The following PIGF variants were observed in gnomAD, a reference collection of about 807,000 sequenced individuals.
PIGF encodes the protein GPI ethanolamine phosphate transferase, stabilizing subunit.
PIGF carries 23 observed loss-of-function variants against 26.0 expected under a neutral mutation model. That is an observed-to-expected ratio of 0.88 (90% CI 0.64 to 1.25). The LOEUF is 1.25. PIGF is among the 50% of genes most tolerant of loss of function. The probability of loss-of-function intolerance (pLI) is 0.00; values close to 1 mark genes in which losing one functional copy is unlikely to be tolerated. For missense variants in PIGF, 278 were observed against 249.9 expected (o/e 1.11, Z -0.76); for synonymous variants, 93 against 92.6 (o/e 1.00, Z -0.03).
At chr2:46,613,939 G>A (rs1004886536) in intron 2 of PIGF, 154 bp from the exon 3 acceptor site, 28 of 623,054 alleles carry the variant, frequency 4.5e-5, no homozygotes, top group East Asian at 1.6e-4. Context: ...GTCCTGTACC[G>A]TCACATACAC....
intron 4 of PIGF, among the ~76,000 whole-genome samples, chr2:46,594,854 T>G (rs565396575): frequency 6.6e-6 from 1 of 150,552 alleles, no homozygotes; most frequent in East Asian, 2.0e-4. Context: ...TTTTTTTTGT[T>G]TGTTTTTGTT....
chr2:46,601,902 A>C (rs1670068811), intron 4 of PIGF, among the ~76,000 whole-genome samples: 1 of 152,026 alleles, frequency 6.6e-6, no homozygotes, highest in African/African-American at 2.4e-5. Flanking sequence ...AGTTCACCAA[A>C]AGTGATCAAC....
rs761148992 is a variant in PIGF at position 46,588,139 on chromosome 2, T to C, written c.546+4336A>G. 1.9e-6 allele frequency: 3 copies of C among 1,613,098 alleles called. No homozygotes were observed. The highest frequency in any genetic ancestry group is 8.5e-7 in the Non-Finnish European group (1 of 1,179,488). On this transcript the variant is annotated intron_variant, in intron 5 of 5. Coordinates refer to ENST00000281382, the MANE Select transcript of PIGF (RefSeq NM_002643.4). This position sits in a 1 kb window ranked among gnomAD's most constrained non-coding sequence, Gnocchi z 4.1. ...AGTACCAAGCCCCCTGCAGGGTACA[T>C]GGAGAGATCTATAAGTGCTACGTTT...
At position 46,588,305 on chromosome 2, in the gene PIGF, A is replaced by T. The variant is rs147628383; in HGVS notation, c.546+4170T>A. The T allele has an allele frequency of 7.7e-5, 92 of 1,191,758 alleles. 2 individuals are homozygous for T. In the East Asian group the frequency reaches 2.0e-3, roughly 26 times the overall value. The allele number at this position is 1,191,758 out of a possible 1,614,324, so 73.8% of individuals were successfully genotyped here. Reference sequence around the variant, plus strand: ...CAACTGAAAGACTGCTGGGCAGAAAAAATAAAACAACAAACTGAGACAATT... The same window carrying T: ...CAACTGAAAGACTGCTGGGCAGAAATAATAAAACAACAAACTGAGACAATT... On this transcript the variant is annotated intron_variant, in intron 5 of 5. Transcript: ENST00000281382. The surrounding 1 kb of genome is among the most constrained non-coding windows in gnomAD (Gnocchi z 4.1).
chr2:46,607,022 C>T (rs1670244562), intron 4 of PIGF, among the ~76,000 whole-genome samples: 1 of 152,138 alleles, frequency 6.6e-6, no homozygotes, highest in Non-Finnish European at 1.5e-5. Flanking sequence ...ACATAAGACC[C>T]AATTTATAAC....
intron 4 of PIGF, among the ~76,000 whole-genome samples, chr2:46,594,727 G>A (rs1186893459): frequency 1.3e-5 from 2 of 151,796 alleles, no homozygotes; most frequent in Non-Finnish European, 2.9e-5. Flanking sequence ...GTAGAGATGG[G>A]GTTTCACCAT....
At chr2:46,608,088 C>G (rs751250243) in intron 4 of PIGF, among the ~76,000 whole-genome samples, 18 of 152,236 alleles carry the variant, frequency 1.2e-4, no homozygotes, top group Non-Finnish European at 2.5e-4. Flanking sequence ...GCGTGCCATG[C>G]TGTTTGACAG....
chr2:46,595,753 C>T (rs955992011), intron 4 of PIGF, among the ~76,000 whole-genome samples: 1 of 152,170 alleles, frequency 6.6e-6, no homozygotes, highest in African/African-American at 2.4e-5. Flanking sequence ...TTTCCACACC[C>T]TCCTGACACT....
chr2:46,611,935 T>C (rs1051076625), intron 4 of PIGF, among the ~76,000 whole-genome samples: 1 of 151,432 alleles, frequency 6.6e-6, no homozygotes, highest in African/African-American at 2.4e-5. Flanking sequence ...CTTTTAATAG[T>C]AGAATTTTTT....
chr2:46,609,232 T>A (rs1278138780), intron 4 of PIGF, among the ~76,000 whole-genome samples: 2 of 152,270 alleles, frequency 1.3e-5, no homozygotes, highest in African/African-American at 4.8e-5. Context: ...TTAAGCCTCA[T>A]GAATCAACCA....
intron 4 of PIGF, among the ~76,000 whole-genome samples, chr2:46,603,114 G>A (rs1670110708): frequency 6.6e-6 from 1 of 151,802 alleles, no homozygotes; most frequent in South Asian, 2.1e-4. Context: ...ATTTATAACA[G>A]CTACAAATAA....
intron 4 of PIGF, among the ~76,000 whole-genome samples, chr2:46,608,388 A>T (rs1670291040): frequency 6.6e-6 from 1 of 152,192 alleles, no homozygotes; most frequent in Non-Finnish European, 1.5e-5. Flanking sequence ...CCACATCTGC[A>T]GTGGTTTCCT....
rs528170798 is a variant in PIGF at position 46,592,114 on chromosome 2, G to A, written c.546+361C>T. 3.0e-3 allele frequency among the ~76,000 whole-genome samples: 461 copies of A among 152,300 alleles called. 2 individuals carry two copies. The highest frequency in any genetic ancestry group is 4.9e-3 in the Non-Finnish European group (332 of 68,028). On this transcript the variant is annotated intron_variant, in intron 5 of 5. Transcript: ENST00000281382. ...CACCTGTAGTCCCAGCCACTTGGGA[G>A]GCTGAAGCAGGAAGATCGTTTAGGC... is the stretch of plus-strand genomic sequence containing the variant.
chr2:46,585,413 G>T (rs1669538694), intron 5 of PIGF, among the ~76,000 whole-genome samples: 1 of 152,106 alleles, frequency 6.6e-6, no homozygotes, highest in African/African-American at 2.4e-5. Flanking sequence ...TTACCAGGAA[G>T]AAGAAAAATC....
intron 5 of PIGF, chr2:46,591,400 G>A: frequency 3.0e-6 from 1 of 338,492 alleles, no homozygotes. Flanking sequence ...TTCTTCCTTA[G>A]AATTACTAAT....
At chr2:46,590,239 A>T (rs1669686955) in intron 5 of PIGF, among the ~76,000 whole-genome samples, 1 of 152,152 alleles carries the variant, frequency 6.6e-6, no homozygotes, top group South Asian at 2.1e-4. Flanking sequence ...ACATTAATTT[A>T]AAAAGTAATA....
chr2:46,587,975 T>G (rs1393432175), intron 5 of PIGF: 15 of 956,482 alleles, frequency 1.6e-5, no homozygotes, highest in Non-Finnish European at 2.0e-5. Context: ...ATGTGAATCT[T>G]AAGTCTCCCT....
chr2:46,612,317 TG>T lies in PIGF; in HGVS notation c.347del (p.Ala116GlufsTer16). ...IELALETFLF[A>X]VILSTFTTVP... Reference sequence around the variant, plus strand: ...CAGTAGTAAAAGTAGACAAAATAACTGCAAATAAAAATGTTTCCAATGCCAA... The same window carrying T: ...CAGTAGTAAAAGTAGACAAAATAACTCAAATAAAAATGTTTCCAATGCCAA... On this transcript the variant is annotated frameshift_variant, in exon 4 of 6. Coordinates refer to ENST00000281382, the MANE Select transcript of PIGF (RefSeq NM_002643.4). LOFTEE classifies it high-confidence loss of function. 1 of 1,458,738 alleles carries T rather than the reference TG, an allele frequency of 6.9e-7. No homozygotes were observed. The highest frequency in any genetic ancestry group is 1.4e-5 in the South Asian group (1 of 70,762). The allele number at this position is 1,458,738 out of a possible 1,614,324, so 90.4% of individuals were successfully genotyped here.
intron 4 of PIGF, among the ~76,000 whole-genome samples, chr2:46,607,211 T>A (rs899029276): frequency 6.6e-6 from 1 of 152,242 alleles, no homozygotes; most frequent in Non-Finnish European, 1.5e-5. Context: ...GAGCCACACA[T>A]ACGCACATCT....
Sources: allele counts gnomAD v4.1 joint callset (sites outside exome capture counted in the v4.1 genomes callset), GRCh38; gene constraint gnomAD v4.1.1; non-coding constraint Gnocchi (gnomAD v3.1); transcripts MANE v1.5; gene names NCBI Gene and HGNC (gene_info 2026-07-23, HGNC 2026-07-21).